Variants in CELSR1 observed in about 807,000 individuals in gnomAD.
The protein encoded by CELSR1 is cadherin EGF LAG seven-pass G-type receptor 1, also known as adhesion G protein-coupled receptor C1.
In CELSR1, 110 loss-of-function variants were observed where a neutral mutation model predicts 249.1. That is an observed-to-expected ratio of 0.44 (90% CI 0.38 to 0.52). The LOEUF (loss-of-function observed/expected upper bound fraction) is 0.52, where lower values mean the gene tolerates loss of function less well. CELSR1 is among the 20% of genes least tolerant of loss of function. The pLI is 0.00. For synonymous variants in CELSR1, 2,113 were observed against 1,900.0 expected, an observed-to-expected ratio of 1.11 and a Z score of -2.92; for missense variants, 4,109 against 4,296.4, an observed-to-expected ratio of 0.96 and a Z score of 1.22.
intron 1 of CELSR1, among the ~76,000 whole-genome samples, chr22:46,489,127 C>T (rs1477398718): frequency 2.0e-5 from 3 of 151,980 alleles, no homozygotes; most frequent in Non-Finnish European, 2.9e-5. Flanking sequence ...TCCAAATGCA[C>T]GATTATTTCC....
chr22:46,461,806 G>A (rs2147575504), intron 2 of CELSR1, among the ~76,000 whole-genome samples: 1 of 152,368 alleles, frequency 6.6e-6, no homozygotes, highest in South Asian at 2.1e-4. Flanking sequence ...ATCTGAAGCA[G>A]GGAAGTCGAC....
At position 46,434,027 on chromosome 22, in the gene CELSR1, A is replaced by T. The variant is rs528737407; in HGVS notation, c.4523-546T>A. On this transcript the variant is annotated intron_variant, in intron 4 of 34. Transcript: ENST00000674500. The surrounding 1 kb of genome is among the most constrained non-coding windows in gnomAD (Gnocchi z 4.9). Reference sequence around the variant, plus strand: ...GAAAAAATATAAACACGGAAAACCCATCTGTCTGTACCAGCAGCAGTCACA... The same window carrying T: ...GAAAAAATATAAACACGGAAAACCCTTCTGTCTGTACCAGCAGCAGTCACA... 1.3e-5 allele frequency among the ~76,000 whole-genome samples: 2 copies of T among 152,182 alleles called. No individual in the cohort carries two copies. Among genetic ancestry groups the T allele is most frequent in the Admixed American group, 6.5e-5 (1 of 15,272 alleles).
chr22:46,363,342 C>T lies in CELSR1; in HGVS notation c.9036-95G>A, dbSNP rs955959857. 6.4e-6 allele frequency: 7 copies of T among 1,098,182 alleles called. No individual in the cohort carries two copies. The African/African-American group carries it at 9.2e-5, about 14-fold the overall frequency. 68.0% of individuals were successfully genotyped at this position (1,098,182 alleles called of 1,614,324 possible). A position where few individuals can be genotyped will look rare whatever the true frequency, so the allele number is the denominator to read the frequency against. ...TTGTCACACGGGGGGGCAGGATCAC[C>T]CCATCAGGGTAGAGGGGGCGTCTGG... On this transcript the variant is annotated intron_variant, in intron 34 of 34. Coordinates refer to ENST00000674500, the MANE Select transcript of CELSR1 (RefSeq NM_001378328.1). This position sits in a 1 kb window ranked among gnomAD's most constrained non-coding sequence, Gnocchi z 4.3.
In CELSR1 at chr22:46,464,820, T is replaced by G. The variant is rs1039950386; in HGVS notation, c.3545-475A>C. 6.6e-6 allele frequency among the ~76,000 whole-genome samples: 1 copy of G among 152,124 alleles called. No individual in the cohort carries two copies. The highest frequency in any genetic ancestry group is 1.5e-5 in the Non-Finnish European group (1 of 68,008). On this transcript the variant is annotated intron_variant, in intron 1 of 34. Coordinates refer to ENST00000674500, the MANE Select transcript of CELSR1 (RefSeq NM_001378328.1). The surrounding 1 kb of genome is among the most constrained non-coding windows in gnomAD (Gnocchi z 8.5). The stretch of plus-strand genomic sequence containing the variant: ...TGCCCAACCTCCCAACAGTTCTTCC[T>G]GTCCTCGCAGCTCAGCTCAAACTCT...
intron 23 of CELSR1, 129 bp from the exon 24 acceptor site, chr22:46,377,390 G>C: frequency 9.5e-7 from 1 of 1,053,282 alleles, no homozygotes; most frequent in Admixed American, 2.1e-5. Flanking sequence ...AGGCTGGGCT[G>C]GGGAGGCCGA....
rs543096576 is a variant in CELSR1, at chr22:46,372,991, C to T, written c.7651G>A (p.Val2551Met). The part of the protein sequence containing the change: ...IYMSTFAWTL[V>M]ESLHVYRMLT... ...ATGCGGTAGACATGCAGGCTCTCCA[C>T]GAGGGTCCAGGCAAAGGTGCTCATG... The change falls in exon 25 of 35, where the codon GTG (valine) becomes ATG (methionine). Residue 2551 changes from valine to methionine, a missense_variant. By Grantham distance (21) the Val-to-Met change is conservative. Transcript: ENST00000674500. 9.3e-6 allele frequency: 15 copies of T among 1,613,186 alleles called. No individual in the cohort carries two copies. Among genetic ancestry groups the T allele is most frequent in the East Asian group, 4.5e-5 (2 of 44,878 alleles).
intron 5 of CELSR1, among the ~76,000 whole-genome samples, chr22:46,432,135 C>G (rs901428836): frequency 6.6e-6 from 1 of 152,204 alleles, no homozygotes; most frequent in East Asian, 1.9e-4. Flanking sequence ...GTGCAGGTGA[C>G]CACTACTTGG....
intron 24 of CELSR1, among the ~76,000 whole-genome samples, chr22:46,373,740 A>AGCAATGGGAGCAATGGGAGCAATG (rs1569111572): frequency 6.5e-5 from 9 of 138,684 alleles, no homozygotes; most frequent in African/African-American, 2.9e-4. Flanking sequence ...TGGGAGCAAT[A>AGCAATGGGAGCAATGGGAGCAATG]GGAGCAATGG....
rs774657261 is a variant in CELSR1, at chr22:46,473,798, G to GTC, written c.3545-9455_3545-9454dup. Among the ~76,000 whole-genome samples the GTC allele has an allele frequency of 1.4e-4, 21 of 152,254 alleles. No individual in the cohort carries two copies. Among genetic ancestry groups the GTC allele is most frequent in the East Asian group, 3.9e-4 (2 of 5,170 alleles). ...AGGGAACTTTGAAGTGGCTGTGTGC[G>GTC]TCTCTCTCTCTTCTGGGTTTGTTTT... On this transcript the variant is annotated intron_variant, in intron 1 of 34. Transcript: ENST00000674500. The surrounding 1 kb of genome is among the most constrained non-coding windows in gnomAD (Gnocchi z 6.6).
At position 46,363,841 on chromosome 22, in the gene CELSR1, C is replaced by T. The variant is rs2078732969; in HGVS notation, c.9035+155G>A. 3 of 1,009,420 alleles carry T rather than the reference C, an allele frequency of 3.0e-6. No individual in the cohort carries two copies. Among genetic ancestry groups the T allele is most frequent in the South Asian group, 1.8e-5 (1 of 55,432 alleles). 62.5% of individuals were successfully genotyped at this position (1,009,420 alleles called of 1,614,324 possible). ...GGTATCCTCCTGACCTCAGCTGCAGCGCCTCCCCCCTCCCCCATCCCCGCC... is the reference window on the plus strand; with the variant it reads ...GGTATCCTCCTGACCTCAGCTGCAGTGCCTCCCCCCTCCCCCATCCCCGCC... On this transcript the variant is annotated intron_variant, in intron 34 of 34. Transcript: ENST00000674500. This position sits in a 1 kb window ranked among gnomAD's most constrained non-coding sequence, Gnocchi z 4.3.
At chr22:46,415,282 T>C (rs1409517945) in intron 5 of CELSR1, among the ~76,000 whole-genome samples, 1 of 152,160 alleles carries the variant, frequency 6.6e-6, no homozygotes, top group East Asian at 1.9e-4. Flanking sequence ...CCCAAGTAGC[T>C]GGGACTACAG....
chr22:46,364,008 C>T lies in CELSR1; in HGVS notation c.9023G>A (p.Gly3008Asp). 3 of 1,606,772 alleles carry T rather than the reference C, an allele frequency of 1.9e-6. No homozygotes were observed. Among genetic ancestry groups the T allele is most frequent in the South Asian group, 2.2e-5 (2 of 90,500 alleles). ...CCAGGCTACTCACTCAGAGTCGGAG[C>T]CATCGGCCTGGGCGCTCCCAGTGCG... ...NVRTGSAQADGSDSEGSNETS... is the reference protein window; with the variant it reads ...NVRTGSAQADDSDSEGSNETS... The change falls in exon 34 of 35, where the codon GGC becomes GAC. Residue 3008 changes from glycine to aspartate, a missense_variant. Around this residue, in one of 7 missense-constraint regions of CELSR1, gnomAD observed 1,805 missense variants for 1,831.6 expected, o/e 0.99. Transcript: ENST00000674500.
chr22:46,409,182 G>A lies in CELSR1; in HGVS notation c.5060-20C>T. The A allele has an allele frequency of 1.2e-6, 2 of 1,609,154 alleles. No individual in the cohort carries two copies. The highest frequency in any genetic ancestry group is 1.7e-6 in the Non-Finnish European group (2 of 1,178,494). On this transcript the variant is annotated intron_variant, in intron 8 of 34. Coordinates refer to ENST00000674500, the MANE Select transcript of CELSR1 (RefSeq NM_001378328.1). The surrounding 1 kb of genome is among the most constrained non-coding windows in gnomAD (Gnocchi z 9.8). ...GCATGGCTGCGGACACAGGCCCAGGGACCTCAGGTGTCTCCCGAAATCACA... is the reference window on the plus strand; with the variant it reads ...GCATGGCTGCGGACACAGGCCCAGGAACCTCAGGTGTCTCCCGAAATCACA...
chr22:46,472,183 T>C lies in CELSR1; in HGVS notation c.3545-7838A>G, dbSNP rs747205665. On this transcript the variant is annotated intron_variant, in intron 1 of 34. Transcript: ENST00000674500. The surrounding 1 kb of genome is among the most constrained non-coding windows in gnomAD (Gnocchi z 7.0). Reference sequence around the variant, plus strand: ...CAGAGCAGACGGCAGAGCGCGAGGCTGCGGGGCCCTCCTGGCAGGTGCTGT... The same window carrying C: ...CAGAGCAGACGGCAGAGCGCGAGGCCGCGGGGCCCTCCTGGCAGGTGCTGT... Among the ~76,000 whole-genome samples the C allele has an allele frequency of 9.9e-5, 15 of 152,192 alleles. No individual in the cohort carries two copies. Among genetic ancestry groups the C allele is most frequent in the Non-Finnish European group, 1.5e-4 (10 of 68,026 alleles).
At chr22:46,519,950 C>T (rs1425509073) in intron 1 of CELSR1, among the ~76,000 whole-genome samples, 1 of 151,824 alleles carries the variant, frequency 6.6e-6, no homozygotes, top group Non-Finnish European at 1.5e-5. Context: ...CAGCTCACCG[C>T]AACCTCTGCC....
chr22:46,473,419 C>T lies in CELSR1; in HGVS notation c.3545-9074G>A, dbSNP rs2147631519. On this transcript the variant is annotated intron_variant, in intron 1 of 34. Transcript: ENST00000674500. This position sits in a 1 kb window ranked among gnomAD's most constrained non-coding sequence, Gnocchi z 6.6. ...GGCCAGTTTGTGACCCACCTGGGGC[C>T]TTGGAGATGACCCAGTGAGATGGAG... 6.6e-6 allele frequency among the ~76,000 whole-genome samples: 1 copy of T among 152,228 alleles called. No homozygotes were observed. The highest frequency in any genetic ancestry group is 1.5e-5 in the Non-Finnish European group (1 of 68,004).
chr22:46,494,956 C>T (rs780761425), intron 1 of CELSR1, among the ~76,000 whole-genome samples: 2 of 152,194 alleles, frequency 1.3e-5, no homozygotes, highest in Non-Finnish European at 2.9e-5. Context: ...AAAAACAGTA[C>T]AATCGTGCAT....
In CELSR1 at chr22:46,513,714, G is replaced by A. The variant is rs117937594; in HGVS notation, c.3544+19913C>T. 5.9e-3 allele frequency among the ~76,000 whole-genome samples: 893 copies of A among 152,222 alleles called. 3 individuals are homozygous for A. The highest frequency in any genetic ancestry group is 0.011 in the South Asian group (54 of 4,816). On this transcript the variant is annotated intron_variant, in intron 1 of 34. Coordinates refer to ENST00000674500, the MANE Select transcript of CELSR1 (RefSeq NM_001378328.1). ...ATCCCCAGAGCCAACACTCACCTGC[G>A]CAGAGAGCCTCCTAATAAATACTGG...
chr22:46,366,289 G>A lies in CELSR1; in HGVS notation c.8300+97C>T, dbSNP rs2078780011. The A allele has an allele frequency of 1.8e-5, 10 of 569,184 alleles. No homozygotes were observed. The East Asian group carries it at 1.2e-3, about 66-fold the overall frequency. 35.3% of individuals were successfully genotyped at this position (569,184 alleles called of 1,614,324 possible). A position where few individuals can be genotyped will look rare whatever the true frequency, so the allele number is the denominator to read the frequency against. ...GGGTGGAAAGTTGGGGGTGGAAGGT[G>A]ATGTTGGTTGAATGGCAGGACACAG... On this transcript the variant is annotated intron_variant, in intron 30 of 34. Coordinates refer to ENST00000674500, the MANE Select transcript of CELSR1 (RefSeq NM_001378328.1).
Sources: gnomAD v4.1 joint callset for allele counts (sites outside exome capture counted in the v4.1 genomes callset) on GRCh38, gnomAD v4.1.1 for gene constraint, gnomAD v4.1.1 regional missense constraint, Gnocchi (gnomAD v3.1) non-coding constraint, MANE v1.5 for transcripts, NCBI Gene and HGNC (gene_info 2026-07-23, HGNC 2026-07-21) for gene names.